Variants in SOS2 observed in about 807,000 individuals in gnomAD.
SOS2 encodes the protein son of sevenless homolog 2.
A neutral mutation model predicts 148.2 loss-of-function variants in SOS2; 65 were observed. That is an observed-to-expected ratio of 0.44 (90% CI 0.36 to 0.54). The LOEUF (loss-of-function observed/expected upper bound fraction) is 0.54, where lower values mean the gene tolerates loss of function less well. SOS2 is among the 20% of genes least tolerant of loss of function. The pLI, the probability that SOS2 is intolerant of heterozygous loss-of-function variation, is 0.00. For missense variants in SOS2, 1,341 were observed against 1,590.2 expected, an observed-to-expected ratio of 0.84 and a Z score of 2.67; for synonymous variants, 539 against 537.1, an observed-to-expected ratio of 1.00 and a Z score of -0.05.
Position 50,130,691 on chromosome 14 carries a change from T to C in SOS2, c.3147A>G (p.Ser1049=), listed in dbSNP as rs750291417. 3.7e-6 allele frequency: 6 copies of C among 1,613,574 alleles called. No individual in the cohort carries two copies. The African/African-American group carries it at 4.0e-5, about 11-fold the overall frequency. The change falls in exon 20 of 23, where the codon TCA becomes TCG. Residue 1049 remains serine, a synonymous_variant. Coordinates refer to ENST00000216373, the MANE Select transcript of SOS2 (RefSeq NM_006939.4). ...GTGTTGGGTGACCTCGTAAAGTACC[T>C]GAGGTAGAGCCATGTCGGCCTGTGT... ...RPNTGRHGST[S]GTLRGHPTPL...
chr14:50,135,555 TTATA>T (rs966950690), intron 18 of SOS2, among the ~76,000 whole-genome samples: 1 of 148,206 alleles, frequency 6.7e-6, no homozygotes, highest in Non-Finnish European at 1.5e-5. Flanking sequence ...TATTAATAAT[TTATA>T]TATATATTTT....
At chr14:50,207,113 C>T (rs1886685744) in intron 1 of SOS2, among the ~76,000 whole-genome samples, 1 of 152,198 alleles carries the variant, frequency 6.6e-6, no homozygotes, top group African/African-American at 2.4e-5. Context: ...GGAAGCAATA[C>T]AACAATCTTA....
At position 50,118,362 on chromosome 14, in the gene SOS2, AT is replaced by A. The variant is rs772357833; in HGVS notation, c.3980del (p.Asn1327MetfsTer12). The A allele has an allele frequency of 6.2e-7, 1 of 1,613,592 alleles. No homozygotes were observed. The highest frequency in any genetic ancestry group is 8.5e-7 in the Non-Finnish European group (1 of 1,179,716). On this transcript the variant is annotated frameshift_variant, in exon 23 of 23. Coordinates refer to ENST00000216373, the MANE Select transcript of SOS2 (RefSeq NM_006939.4). LOFTEE classifies it high-confidence loss of function. ...GCTAAGGTCATTGGGGAGTTTCTGC[AT>A]TTTCTAGCAAAGGCAGTCTGTACAA... ...PPLYRLPLLE[N>X]AETPQ
chr14:50,151,722 A>G (rs1161043207), intron 13 of SOS2, among the ~76,000 whole-genome samples: 2 of 152,006 alleles, frequency 1.3e-5, no homozygotes, highest in African/African-American at 4.8e-5. Context: ...TAGAATATAA[A>G]TTTTTGTTTT....
chr14:50,212,178 T>A (rs186126129), intron 1 of SOS2, among the ~76,000 whole-genome samples: 1 of 152,282 alleles, frequency 6.6e-6, no homozygotes, highest in East Asian at 1.9e-4. Context: ...GAAAAACTAT[T>A]AAGAAAATCA....
intron 19 of SOS2, among the ~76,000 whole-genome samples, chr14:50,132,260 T>G (rs1197345184): frequency 6.7e-6 from 1 of 148,974 alleles, no homozygotes; most frequent in African/African-American, 2.5e-5. Flanking sequence ...CTCATGCCTG[T>G]AATCCTAGCA....
intron 10 of SOS2, 104 bp downstream of exon 10, chr14:50,159,327 G>T: frequency 1.6e-6 from 1 of 631,488 alleles, no homozygotes; most frequent in Non-Finnish European, 2.7e-6. Flanking sequence ...TTTATATTTT[G>T]GAGGCAATCC....
chr14:50,212,295 G>A (rs1481688021), intron 1 of SOS2, among the ~76,000 whole-genome samples: 3 of 152,180 alleles, frequency 2.0e-5, no homozygotes, highest in African/African-American at 7.2e-5. Context: ...CCAACACGGT[G>A]AAACCCCGTC....
At chr14:50,183,922 T>G (rs1885826601) in intron 5 of SOS2, among the ~76,000 whole-genome samples, 1 of 152,220 alleles carries the variant, frequency 6.6e-6, no homozygotes, top group African/African-American at 2.4e-5. Context: ...TGTGCAAATA[T>G]CACGGCTAGA....
Position 50,194,447 on chromosome 14 carries a change from C to T in SOS2, c.510+5244G>A, listed in dbSNP as rs1028479717. Among the ~76,000 whole-genome samples, 8 of 138,094 alleles carry T rather than the reference C, an allele frequency of 5.8e-5. 1 individual carries two copies. The South Asian group carries it at 9.1e-4, about 16-fold the overall frequency. 90.6% of individuals were successfully genotyped at this position (138,094 alleles called of 152,430 possible). On this transcript the variant is annotated intron_variant, in intron 4 of 22. Transcript: ENST00000216373. ...GGAAATCTCATTTCTTATATAATCCCTTTCAATTTTTTTTTTTTTTTTTTT... is the reference window on the plus strand; with the variant it reads ...GGAAATCTCATTTCTTATATAATCCTTTTCAATTTTTTTTTTTTTTTTTTT...
At chr14:50,122,864 C>A (rs370196312) in intron 21 of SOS2, among the ~76,000 whole-genome samples, 1 of 152,300 alleles carries the variant, frequency 6.6e-6, no homozygotes, top group East Asian at 1.9e-4. Context: ...ATCTAAGTTA[C>A]TTCTAATTTT....
chr14:50,197,689 CTTTT>C (rs35121759), intron 4 of SOS2, among the ~76,000 whole-genome samples: 3 of 125,846 alleles, frequency 2.4e-5, no homozygotes, highest in Non-Finnish European at 3.3e-5. Context: ...GCTTTACCAC[CTTTT>C]TTTTTTTTTT....
chr14:50,129,624 A>G (rs1594958133), intron 21 of SOS2, among the ~76,000 whole-genome samples: 1 of 152,176 alleles, frequency 6.6e-6, no homozygotes, highest in African/African-American at 2.4e-5. Context: ...TGACCTCGTG[A>G]TCCACCTGCC....
In SOS2 at chr14:50,143,501, A is replaced by C. The variant is rs150561950; in HGVS notation, c.2667+1669T>G. On this transcript the variant is annotated intron_variant, in intron 16 of 22. Coordinates refer to ENST00000216373, the MANE Select transcript of SOS2 (RefSeq NM_006939.4). ...TGCCCAGGCTAGAGTGCAGTGGGGC[A>C]ATCTTGGCTCACTGCAACCTCCACC... 5.0e-3 allele frequency among the ~76,000 whole-genome samples: 761 copies of C among 152,124 alleles called. 5 individuals are homozygous for C. Among genetic ancestry groups the C allele is most frequent in the African/African-American group, 0.016 (683 of 41,514 alleles).
chr14:50,191,977 C>A (rs1886153906), intron 4 of SOS2, among the ~76,000 whole-genome samples: 1 of 151,614 alleles, frequency 6.6e-6, no homozygotes. Flanking sequence ...AAAGAGAGAC[C>A]CAGTTTCTAC....
At chr14:50,230,601 A>T (rs1314445382) in intron 1 of SOS2, among the ~76,000 whole-genome samples, 1 of 152,246 alleles carries the variant, frequency 6.6e-6, no homozygotes, top group African/African-American at 2.4e-5. Flanking sequence ...GACACTGACC[A>T]AATTTTCTAA....
chr14:50,231,142 T>C, intron 1 of SOS2, 55 bp downstream of exon 1: 2 of 1,109,418 alleles, frequency 1.8e-6, no homozygotes, highest in Non-Finnish European at 2.4e-6. Flanking sequence ...TGCTCCCCGT[T>C]AGAAGCTCGG....
intron 21 of SOS2, among the ~76,000 whole-genome samples, chr14:50,122,968 T>C (rs1883568156): frequency 6.6e-6 from 1 of 152,128 alleles, no homozygotes; most frequent in Non-Finnish European, 1.5e-5. Context: ...TGAACAAAAC[T>C]CAAAAATTCA....
At chr14:50,224,968 A>C (rs1455198569) in intron 1 of SOS2, among the ~76,000 whole-genome samples, 1 of 151,912 alleles carries the variant, frequency 6.6e-6, no homozygotes, top group African/African-American at 2.4e-5. Context: ...GAGTACAGAA[A>C]ACTTTACTTA....
Sources: gnomAD v4.1 joint callset for allele counts (sites outside exome capture counted in the v4.1 genomes callset) on GRCh38, gnomAD v4.1.1 for gene constraint, MANE v1.5 for transcripts, NCBI Gene and HGNC (gene_info 2026-07-23, HGNC 2026-07-21) for gene names.